The following BLM variants were observed in gnomAD, a reference collection of about 807,000 sequenced individuals.
BLM encodes recQ-like DNA helicase BLM.
Under a neutral mutation model 135.3 loss-of-function variants are expected in BLM, and 95 were observed. The ratio of observed to expected loss-of-function variants is 0.70; its 90% CI spans 0.59 to 0.83. The LOEUF (loss-of-function observed/expected upper bound fraction) is 0.83. BLM is among the 40% of genes least tolerant of loss of function. BLM has a pLI of 0.00. For missense variants in BLM, 1,518 were observed against 1,663.9 expected (o/e 0.91, Z 1.53); for synonymous variants, 520 against 589.2 (o/e 0.88, Z 1.70).
chr15:90,735,525 C>T (rs1895191707), intron 1 of BLM, among the ~76,000 whole-genome samples: 2 of 151,868 alleles, frequency 1.3e-5, no homozygotes, highest in African/African-American at 4.8e-5. Flanking sequence ...AATTAGTCTC[C>T]TAAACACATG....
At chr15:90,718,807 T>C (rs2151123470) in intron 1 of BLM, among the ~76,000 whole-genome samples, 1 of 152,228 alleles carries the variant, frequency 6.6e-6, no homozygotes, top group South Asian at 2.1e-4. Context: ...AAGTGTTAGA[T>C]GTGCAGTAGA....
chr15:90,785,204 ATTT>A, intron 14 of BLM, 123 bp downstream of exon 14: 1 of 1,135,366 alleles, frequency 8.8e-7, no homozygotes, highest in Non-Finnish European at 1.3e-6. Context: ...TAAGACTGAA[ATTT>A]AAAAAACAGA....
intron 20 of BLM, among the ~76,000 whole-genome samples, chr15:90,809,545 C>T (rs1897359502): frequency 6.6e-6 from 1 of 152,146 alleles, no homozygotes; most frequent in Admixed American, 6.6e-5. Flanking sequence ...GCCCTGGGTA[C>T]CAGTTCCAGA....
At chr15:90,790,003 T>TTG (rs1896862362) in intron 14 of BLM, among the ~76,000 whole-genome samples, 5 of 104,920 alleles carry the variant, frequency 4.8e-5, no homozygotes, top group African/African-American at 2.3e-4. Flanking sequence ...TTTTTTTTTT[T>TTG]TTTTTTTTTT....
chr15:90,811,278 C>A lies in BLM; in HGVS notation c.3948C>A (p.Asp1316Glu), dbSNP rs375896520. 2 of 1,613,964 alleles carry A rather than the reference C, an allele frequency of 1.2e-6. No individual in the cohort carries two copies. The highest frequency in any genetic ancestry group is 2.2e-5 in the East Asian group (1 of 44,896). Residue 1316 changes from aspartate to glutamate, a missense_variant, in exon 21 of 22, where the codon GAC (aspartate) becomes GAA (glutamate). Coordinates refer to ENST00000355112, the MANE Select transcript of BLM (RefSeq NM_000057.4). ...GPGRSAAEEL[D>E]EEIPVSSHYF... ...GAAGAAGTGCCGCTGAGGAGCTCGA[C>A]GAGGAAATACCCGTATCTTCCCACT...
At chr15:90,814,988 C>G (rs1473850205) in intron 21 of BLM, 114 bp from the exon 22 acceptor site, 4 of 1,095,584 alleles carry the variant, frequency 3.7e-6, no homozygotes, top group Non-Finnish European at 5.4e-6. Flanking sequence ...AGAAAATGCA[C>G]AAGGACACAT....
chr15:90,746,567 C>T (rs1181677355), intron 1 of BLM, among the ~76,000 whole-genome samples: 1 of 152,020 alleles, frequency 6.6e-6, no homozygotes. Flanking sequence ...ACGGCTTATG[C>T]GAAACTTCAT....
At chr15:90,787,136 G>A (rs972978496) in intron 14 of BLM, among the ~76,000 whole-genome samples, 20 of 124,270 alleles carry the variant, frequency 1.6e-4, no homozygotes, top group Non-Finnish European at 3.0e-4. Context: ...TGCAAGCTCC[G>A]CCTCTCGGGT....
intron 1 of BLM, among the ~76,000 whole-genome samples, chr15:90,742,215 A>G (rs1895381457): frequency 6.6e-6 from 1 of 152,150 alleles, no homozygotes; most frequent in African/African-American, 2.4e-5. Flanking sequence ...TACAAAAAGT[A>G]GATTTTTTGA....
At chr15:90,802,538 A>G (rs1386091412) in intron 17 of BLM, among the ~76,000 whole-genome samples, 2 of 152,232 alleles carry the variant, frequency 1.3e-5, no homozygotes, top group African/African-American at 4.8e-5. Context: ...GAATTTGAAT[A>G]GGCTTCATTA....
At chr15:90,788,477 T>TTTTTTTTTTTTTTTTTG (rs1896812344) in intron 14 of BLM, among the ~76,000 whole-genome samples, 1 of 148,512 alleles carries the variant, frequency 6.7e-6, no homozygotes, top group African/African-American at 2.5e-5. Context: ...TTTTGTTTTT[T>TTTTTTTTTTTTTTTTTG]TTTTTTTTTT....
intron 7 of BLM, among the ~76,000 whole-genome samples, chr15:90,762,181 C>G (rs554241710): frequency 6.6e-6 from 1 of 152,132 alleles, no homozygotes; most frequent in African/African-American, 2.4e-5. Flanking sequence ...GCCAGAGCTC[C>G]GTGAGTACCT....
intron 12 of BLM, among the ~76,000 whole-genome samples, chr15:90,770,395 C>T (rs1403911197): frequency 6.6e-6 from 1 of 152,168 alleles, no homozygotes; most frequent in East Asian, 1.9e-4. Flanking sequence ...CCAGGAGGGT[C>T]TCGATCTCCT....
chr15:90,790,972 C>T (rs1896893598), intron 15 of BLM, 128 bp downstream of exon 15: 1 of 911,304 alleles, frequency 1.1e-6, no homozygotes, highest in East Asian at 2.6e-5. Context: ...GGAGTTTATA[C>T]AGATTGGCAA....
At chr15:90,744,507 G>T (rs1895448742) in intron 1 of BLM, among the ~76,000 whole-genome samples, 1 of 151,968 alleles carries the variant, frequency 6.6e-6, no homozygotes, top group Non-Finnish European at 1.5e-5. Flanking sequence ...CAAGTAACTG[G>T]GATTACAGGC....
At chr15:90,795,583 C>A (rs1897010694) in intron 16 of BLM, among the ~76,000 whole-genome samples, 1 of 152,166 alleles carries the variant, frequency 6.6e-6, no homozygotes, top group African/African-American at 2.4e-5. Flanking sequence ...CAAATTCATG[C>A]CATCTCCTCC....
intron 12 of BLM, among the ~76,000 whole-genome samples, chr15:90,770,348 T>G (rs28385046): frequency 8.1e-4 from 124 of 152,198 alleles, no homozygotes; most frequent in African/African-American, 3.0e-3. Flanking sequence ...CTAATTTTTT[T>G]TGTATTTTTA....
intron 5 of BLM, among the ~76,000 whole-genome samples, chr15:90,758,220 G>C (rs1401688442): frequency 6.6e-6 from 1 of 151,416 alleles, no homozygotes; most frequent in Non-Finnish European, 1.5e-5. Context: ...TGGCACGGTG[G>C]CTCACGCCTG....
rs1237460907 is a variant in BLM at position 90,803,647 on chromosome 15, A to G, written c.3485A>G (p.Asn1162Ser). 7 of 1,614,090 alleles carry G rather than the reference A, an allele frequency of 4.3e-6. No individual in the cohort carries two copies. In the East Asian group the frequency reaches 1.3e-4, roughly 31 times the overall value. ...DKILDEDLYI[N>S]ANDQAIAYVM... ...ATTTTGGATGAAGACTTATATATCA[A>G]TGCCAATGACCAGGCGATCGCTTAT... The change falls in exon 18 of 22, where the codon AAT (asparagine) becomes AGT (serine). Residue 1162 changes from asparagine to serine, a missense_variant. Transcript: ENST00000355112.
Sources: gnomAD v4.1 joint callset for allele counts (sites outside exome capture counted in the v4.1 genomes callset) on GRCh38, gnomAD v4.1.1 for gene constraint, MANE v1.5 for transcripts, NCBI Gene and HGNC (gene_info 2026-07-23, HGNC 2026-07-21) for gene names.